Variants in GNG7 observed in about 807,000 individuals in gnomAD.
GNG7 encodes G protein subunit gamma 7, also known as guanine nucleotide-binding protein G(I)/G(S)/G(O) subunit gamma-7.
Under a neutral mutation model 4.0 loss-of-function variants are expected in GNG7, and 1 was observed. That is an observed-to-expected ratio of 0.25 (90% CI 0.09 to 1.18). The LOEUF is 1.18. Ranked by LOEUF, GNG7 falls within the 50% of genes most tolerant of loss-of-function variation. GNG7 has a pLI of 0.50. For missense variants in GNG7, 86 were observed against 91.9 expected (o/e 0.94, Z 0.26); for synonymous variants, 34 against 36.9 (o/e 0.92, Z 0.29).
chr19:2,633,356 G>A lies in GNG7; in HGVS notation c.-78+12868C>T, dbSNP rs546658092. 1.3e-5 allele frequency among the ~76,000 whole-genome samples: 2 copies of A among 152,298 alleles called. No individual in the cohort carries two copies. Among genetic ancestry groups the A allele is most frequent in the South Asian group, 2.1e-4 (1 of 4,826 alleles). On this transcript the variant is annotated intron_variant, in intron 2 of 4. Coordinates refer to ENST00000382159, the MANE Select transcript of GNG7 (RefSeq NM_052847.3). The surrounding 1 kb of genome is among the most constrained non-coding windows in gnomAD (Gnocchi z 5.9). ...CTCATCATATGCGACTGTCACCGCC[G>A]TGTGTATTTTGAGTCAAAGGCGGCC...
intron 3 of GNG7, among the ~76,000 whole-genome samples, chr19:2,522,648 A>G (rs1978316135): frequency 7.2e-6 from 1 of 138,890 alleles, no homozygotes; most frequent in Admixed American, 7.7e-5. Context: ...GCTACTCGGG[A>G]GGCTGAGGCA....
At chr19:2,538,282 A>G (rs200427868) in intron 3 of GNG7, 31 of 456,356 alleles carry the variant, frequency 6.8e-5, no homozygotes, top group Non-Finnish European at 5.7e-5. Context: ...AATGAAACCG[A>G]CCAGGTCAAT....
intron 1 of GNG7, among the ~76,000 whole-genome samples, chr19:2,689,980 G>C (rs1462611528): frequency 2.0e-5 from 3 of 152,148 alleles, no homozygotes; most frequent in Admixed American, 2.0e-4. Context: ...ACTAAAATCT[G>C]AATGCCATAT....
intron 2 of GNG7, among the ~76,000 whole-genome samples, chr19:2,636,914 G>A (rs1019066093): frequency 2.0e-5 from 3 of 150,774 alleles, no homozygotes; most frequent in Non-Finnish European, 4.4e-5. Context: ...ACCCAACTAC[G>A]CACACCTGCG....
At chr19:2,682,971 G>A (rs887673683) in intron 1 of GNG7, among the ~76,000 whole-genome samples, 9 of 151,626 alleles carry the variant, frequency 5.9e-5, no homozygotes, top group African/African-American at 1.9e-4. Flanking sequence ...GGTGGCTCAC[G>A]CCTGTAATCC....
intron 1 of GNG7, among the ~76,000 whole-genome samples, chr19:2,676,878 T>C (rs565289657): frequency 2.0e-5 from 3 of 152,204 alleles, no homozygotes; most frequent in African/African-American, 7.2e-5. Flanking sequence ...TTCAGACAGC[T>C]TCTGGGGTTG....
intron 1 of GNG7, among the ~76,000 whole-genome samples, chr19:2,654,541 G>A (rs1393757429): frequency 6.6e-6 from 1 of 151,770 alleles, no homozygotes; most frequent in African/African-American, 2.4e-5. Flanking sequence ...CCTCAGTTAG[G>A]GGGTTCCACA....
chr19:2,674,642 G>C (rs1333851143), intron 1 of GNG7, among the ~76,000 whole-genome samples: 2 of 152,116 alleles, frequency 1.3e-5, no homozygotes, highest in African/African-American at 4.8e-5. Flanking sequence ...TACCATGTTG[G>C]CCAGGCTGGT....
chr19:2,577,844 CT>C (rs112517007), intron 2 of GNG7, among the ~76,000 whole-genome samples: 33,372 of 137,096 alleles, frequency 0.24, 5,805 homozygotes, highest in African/African-American at 0.55. Context: ...TGTTATTTTC[CT>C]TTTTTTTTTT....
At chr19:2,637,212 T>TTCC (rs111665515) in intron 2 of GNG7, among the ~76,000 whole-genome samples, 1 of 150,958 alleles carries the variant, frequency 6.6e-6, no homozygotes, top group East Asian at 2.0e-4. Flanking sequence ...AGGAACAGGC[T>TTCC]CCCCCCGCCC....
Position 2,585,022 on chromosome 19 carries a change from GGGAGGGAGGGAC to G in GNG7, c.-77-29846_-77-29835del, listed in dbSNP as rs1254396861. Among the ~76,000 whole-genome samples the G allele has an allele frequency of 7.9e-3, 573 of 72,850 alleles. 5 individuals are homozygous for G. Among genetic ancestry groups the G allele is most frequent in the Non-Finnish European group, 0.011 (395 of 37,466 alleles). 47.8% of individuals were successfully genotyped at this position (72,850 alleles called of 152,430 possible). On this transcript the variant is annotated intron_variant, in intron 2 of 4. Coordinates refer to ENST00000382159, the MANE Select transcript of GNG7 (RefSeq NM_052847.3). ...AAGGAAGGAAGGAAAGAAGGAAGGA[GGGAGGGAGGGAC>G]GGAGGGAGGGAGGGAAGGAAGGAAG...
chr19:2,640,786 C>T (rs773459502), intron 2 of GNG7, among the ~76,000 whole-genome samples: 6 of 152,038 alleles, frequency 3.9e-5, no homozygotes, highest in Admixed American at 6.6e-5. Context: ...CACTGTAACA[C>T]CCAGCTAATT....
chr19:2,522,673 A>G (rs74407240), intron 3 of GNG7, among the ~76,000 whole-genome samples: 10,594 of 137,918 alleles, frequency 0.077, 551 homozygotes, highest in Non-Finnish European at 0.11. Flanking sequence ...AATGGGGTGA[A>G]CCCGGAAGGC....
chr19:2,629,528 A>G (rs1325007349), intron 2 of GNG7, among the ~76,000 whole-genome samples: 1 of 152,160 alleles, frequency 6.6e-6, no homozygotes, highest in Non-Finnish European at 1.5e-5. Flanking sequence ...GCCCCAGAAC[A>G]CACCTAGTGC....
chr19:2,694,835 C>T (rs1913207209), intron 1 of GNG7, among the ~76,000 whole-genome samples: 1 of 151,686 alleles, frequency 6.6e-6, no homozygotes, highest in Non-Finnish European at 1.5e-5. Flanking sequence ...ACTGGAGGTG[C>T]TCCTGGCGTG....
intron 4 of GNG7, among the ~76,000 whole-genome samples, chr19:2,516,512 C>G (rs537692425): frequency 6.6e-6 from 1 of 152,232 alleles, no homozygotes; most frequent in African/African-American, 2.4e-5. Context: ...GCGTGAGCCA[C>G]GGCACCTGGC....
intron 2 of GNG7, among the ~76,000 whole-genome samples, chr19:2,559,949 G>A (rs781069618): frequency 3.3e-5 from 5 of 152,104 alleles, no homozygotes; most frequent in Admixed American, 6.6e-5. Flanking sequence ...AGGGGCCTCA[G>A]CACGATGCCT....
intron 2 of GNG7, among the ~76,000 whole-genome samples, chr19:2,561,799 T>G (rs1979749834): frequency 6.6e-6 from 1 of 151,788 alleles, no homozygotes; most frequent in African/African-American, 2.4e-5. Context: ...GAGAATCGCT[T>G]GAACCTGGGA....
chr19:2,567,768 T>C (rs1018293773), intron 2 of GNG7, among the ~76,000 whole-genome samples: 3 of 152,132 alleles, frequency 2.0e-5, no homozygotes, highest in African/African-American at 7.2e-5. Context: ...GCTCGCTGCC[T>C]TGTGGTCTAG....
Sources: allele counts gnomAD v4.1 joint callset (sites outside exome capture counted in the v4.1 genomes callset), GRCh38; gene constraint gnomAD v4.1.1; non-coding constraint Gnocchi (gnomAD v3.1); transcripts MANE v1.5; gene names NCBI Gene and HGNC (gene_info 2026-07-23, HGNC 2026-07-21).